SYNE2: variants seen among roughly 807,000 people sequenced by gnomAD.
SYNE2 encodes the protein spectrin repeat containing nuclear envelope protein 2.
In SYNE2, 431 loss-of-function variants were observed where a neutral mutation model predicts 856.3. The observed-to-expected ratio is 0.50, with a 90% CI of 0.47 to 0.55. SYNE2 has a LOEUF of 0.55. Ranked by LOEUF, SYNE2 falls within the 20% of genes least tolerant of loss-of-function variation. The probability of loss-of-function intolerance (pLI) is 0.00; values close to 1 mark genes in which losing one functional copy is unlikely to be tolerated. For synonymous variants in SYNE2, 2,923 were observed against 2,872.3 expected, an observed-to-expected ratio of 1.02 and a Z score of -0.56; for missense variants, 8,129 against 8,023.2, an observed-to-expected ratio of 1.01 and a Z score of -0.50.
intron 6 of SYNE2, among the ~76,000 whole-genome samples, chr14:63,948,776 G>GTATATATA: frequency 3.0e-5 from 2 of 67,606 alleles, no homozygotes; most frequent in Admixed American, 1.7e-4. Context: ...ATATGTATGT[G>GTATATATA]TGTGTGTATA....
At chr14:64,220,387 C>T (rs1567686965) in intron 110 of SYNE2, 50 bp from the exon 111 acceptor site, 3 of 1,604,818 alleles carry the variant, frequency 1.9e-6, no homozygotes, top group Non-Finnish European at 2.6e-6. Context: ...AAATGAGCCC[C>T]TCCTCCCTAC....
chr14:63,926,880 G>C (rs1160618341), intron 2 of SYNE2, among the ~76,000 whole-genome samples: 1 of 152,214 alleles, frequency 6.6e-6, no homozygotes, highest in African/African-American at 2.4e-5. Flanking sequence ...GACTTAGATT[G>C]ACTTAGGTTT....
chr14:63,952,876 G>C (rs1595852155), intron 7 of SYNE2, among the ~76,000 whole-genome samples: 2 of 152,240 alleles, frequency 1.3e-5, no homozygotes, highest in Middle Eastern at 3.4e-3. Flanking sequence ...ATAGTCTCTT[G>C]AATTTTTTCA....
At chr14:64,088,228 A>G (rs1473269424) in intron 58 of SYNE2, among the ~76,000 whole-genome samples, 2 of 152,294 alleles carry the variant, frequency 1.3e-5, no homozygotes, top group South Asian at 2.1e-4. Context: ...CAACTAATCA[A>G]TGTGAAGGCA....
chr14:64,110,203 GGTT>G (rs948972550), intron 65 of SYNE2, among the ~76,000 whole-genome samples: 1 of 152,162 alleles, frequency 6.6e-6, no homozygotes, highest in African/African-American at 2.4e-5. Context: ...AAAATGTAAA[GGTT>G]TGCTATTTTG....
intron 2 of SYNE2, among the ~76,000 whole-genome samples, chr14:63,921,150 C>A (rs1027640898): frequency 5.3e-5 from 8 of 151,258 alleles, no homozygotes; most frequent in African/African-American, 1.9e-4. Flanking sequence ...TAGATTTATT[C>A]TTGGGCAAAT....
intron 2 of SYNE2, among the ~76,000 whole-genome samples, chr14:63,911,453 A>G (rs552789031): frequency 6.6e-6 from 1 of 152,330 alleles, no homozygotes; most frequent in Non-Finnish European, 1.5e-5. Flanking sequence ...TTTATGTAGC[A>G]TGCTGTAACT....
intron 14 of SYNE2, among the ~76,000 whole-genome samples, chr14:63,980,298 G>A (rs2096576084): frequency 6.6e-6 from 1 of 152,178 alleles, no homozygotes; most frequent in Non-Finnish European, 1.5e-5. Flanking sequence ...TAAAGCATGT[G>A]AAATAAGAGC....
chr14:63,872,573 T>C (rs891438126), intron 1 of SYNE2, among the ~76,000 whole-genome samples: 2 of 151,922 alleles, frequency 1.3e-5, no homozygotes, highest in Non-Finnish European at 2.9e-5. Context: ...CTGGCCAATA[T>C]GGTGAAATCC....
chr14:63,974,208 T>G (rs910370576), intron 11 of SYNE2, among the ~76,000 whole-genome samples: 4 of 152,218 alleles, frequency 2.6e-5, no homozygotes, highest in Non-Finnish European at 5.9e-5. Context: ...TTTTAATTTG[T>G]GATTGATCTT....
rs545806785 is a variant in SYNE2 at position 64,002,633 on chromosome 14, C to G, written c.3787-87C>G. The stretch of plus-strand genomic sequence containing the variant: ...TCAAAAGCATTTTTCTAGATCAAAT[C>G]TAGTCATGCAGTTTGGGGCTAGTTT... On this transcript the variant is annotated intron_variant, in intron 29 of 115. Transcript: ENST00000555002. 7 of 1,444,486 alleles carry G rather than the reference C, an allele frequency of 4.8e-6. No individual in the cohort carries two copies. The South Asian group carries it at 9.2e-5, about 19-fold the overall frequency. 89.5% of individuals were successfully genotyped at this position (1,444,486 alleles called of 1,614,324 possible). A position where few individuals can be genotyped will look rare whatever the true frequency, so the allele number is the denominator to read the frequency against.
chr14:63,938,827 T>C (rs1158918591), intron 2 of SYNE2, among the ~76,000 whole-genome samples: 4 of 152,212 alleles, frequency 2.6e-5, no homozygotes, highest in Middle Eastern at 3.4e-3. Flanking sequence ...GGAAGCACTT[T>C]AGGACTTAAG....
chr14:63,897,306 T>G (rs1182812501), intron 1 of SYNE2, among the ~76,000 whole-genome samples: 6 of 152,178 alleles, frequency 3.9e-5, no homozygotes, highest in Non-Finnish European at 7.4e-5. Flanking sequence ...TATGACTTCA[T>G]AGCATGTCTA....
At chr14:64,012,267 T>C (rs1017017941) in intron 32 of SYNE2, among the ~76,000 whole-genome samples, 1 of 152,202 alleles carries the variant, frequency 6.6e-6, no homozygotes, top group African/African-American at 2.4e-5. Flanking sequence ...GTGAGTCAGT[T>C]ACCACTCATT....
chr14:64,223,123 C>A (rs530024331), intron 112 of SYNE2, 66 bp from the exon 113 acceptor site: 2 of 1,582,574 alleles, frequency 1.3e-6, no homozygotes, highest in East Asian at 4.5e-5. Flanking sequence ...CTGAGAAAAA[C>A]CTCCTGTGTC....
chr14:64,054,472 G>A (rs558503928), intron 48 of SYNE2, among the ~76,000 whole-genome samples: 1 of 152,174 alleles, frequency 6.6e-6, no homozygotes, highest in Non-Finnish European at 1.5e-5. Flanking sequence ...GAAACATGAA[G>A]ATTTTTCTCA....
chr14:64,178,989 A>C (rs1596017937), intron 96 of SYNE2, among the ~76,000 whole-genome samples: 1 of 152,066 alleles, frequency 6.6e-6, no homozygotes, highest in South Asian at 2.1e-4. Flanking sequence ...AGGTGGGAGG[A>C]TCCTTTGAGC....
chr14:64,185,727 G>A (rs559350648), intron 96 of SYNE2, among the ~76,000 whole-genome samples: 5 of 151,902 alleles, frequency 3.3e-5, no homozygotes, highest in African/African-American at 7.3e-5. Flanking sequence ...CATCATGTTG[G>A]CCAGGCTGGT....
intron 6 of SYNE2, among the ~76,000 whole-genome samples, chr14:63,948,287 CTATGAG>C (rs756701504): frequency 2.0e-5 from 3 of 151,968 alleles, no homozygotes; most frequent in African/African-American, 4.8e-5. Context: ...ATCTTTCAAT[CTATGAG>C]TATAACATTT....
Sources: gnomAD v4.1 joint callset for allele counts (sites outside exome capture counted in the v4.1 genomes callset) on GRCh38, gnomAD v4.1.1 for gene constraint, MANE v1.5 for transcripts, NCBI Gene and HGNC (gene_info 2026-07-23, HGNC 2026-07-21) for gene names.